OPHN1: variants seen among roughly 807,000 people sequenced by gnomAD.
OPHN1 encodes oligophrenin 1.
A neutral mutation model predicts 60.7 loss-of-function variants in OPHN1; 11 were observed. The ratio of observed to expected loss-of-function variants is 0.18; its 90% CI spans 0.11 to 0.30. The LOEUF is 0.30. OPHN1 is among the 10% of genes least tolerant of loss of function. OPHN1 has a pLI of 1.00. For synonymous variants in OPHN1, 226 were observed against 222.6 expected, an observed-to-expected ratio of 1.02 and a Z score of -0.14; for missense variants, 449 against 611.0, an observed-to-expected ratio of 0.73 and a Z score of 2.80.
At chrX:68,315,293 G>A (rs769716020) in intron 2 of OPHN1, among the ~76,000 whole-genome samples, 1 of 110,255 alleles carries the variant, frequency 9.1e-6, no homozygotes, top group South Asian at 4.0e-4. Context: ...AGGAGGTAGG[G>A]AGGGAGGAAG....
chrX:68,212,556 G>A (rs2077589330), intron 7 of OPHN1, among the ~76,000 whole-genome samples: 1 of 111,592 alleles, frequency 9.0e-6, no homozygotes, highest in Non-Finnish European at 1.9e-5. Flanking sequence ...CTGCACTCTA[G>A]CCTGGGACAG....
At chrX:68,223,361 C>T (rs1161970715) in intron 6 of OPHN1, among the ~76,000 whole-genome samples, 1 of 112,494 alleles carries the variant, frequency 8.9e-6, no homozygotes, top group African/African-American at 3.2e-5. Flanking sequence ...CACTCACACA[C>T]AATGGAATAC....
chrX:68,420,571 G>A (rs980172438), intron 2 of OPHN1, among the ~76,000 whole-genome samples: 5 of 111,153 alleles, frequency 4.5e-5, no homozygotes, highest in Non-Finnish European at 7.5e-5. Flanking sequence ...ATTCATAAAT[G>A]GATTCTCTAG....
At chrX:68,207,179 A>G (rs2077563466) in intron 9 of OPHN1, among the ~76,000 whole-genome samples, 1 of 104,814 alleles carries the variant, frequency 9.5e-6, no homozygotes, top group Non-Finnish European at 1.9e-5. Flanking sequence ...CCCAGGCTGG[A>G]GTGCAGTGGC....
chrX:68,071,652 C>A, intron 20 of OPHN1: 1 of 550,636 alleles, frequency 1.8e-6, no homozygotes, highest in East Asian at 3.3e-5. Context: ...AGCCTTAATC[C>A]TCTGGTTGTT....
chrX:68,329,655 T>C (rs2078285116), intron 2 of OPHN1, among the ~76,000 whole-genome samples: 1 of 111,982 alleles, frequency 8.9e-6, no homozygotes, highest in African/African-American at 3.2e-5. Flanking sequence ...ACCTAATATT[T>C]TTCTTAAGGA....
chrX:68,181,291 A>G (rs1449992651), intron 15 of OPHN1, among the ~76,000 whole-genome samples: 2 of 111,279 alleles, frequency 1.8e-5, no homozygotes, highest in African/African-American at 3.3e-5. Flanking sequence ...TATACATACT[A>G]AGGACTAAAA....
intron 15 of OPHN1, among the ~76,000 whole-genome samples, chrX:68,144,188 T>G (rs1478471042): frequency 9.1e-6 from 1 of 110,396 alleles, no homozygotes; most frequent in Non-Finnish European, 1.9e-5. Flanking sequence ...CTGGTTATTT[T>G]TTTTAATTTT....
chrX:68,113,048 T>A (rs1434425232), intron 17 of OPHN1, 133 bp downstream of exon 17: 1 of 483,128 alleles, frequency 2.1e-6, no homozygotes, highest in African/African-American at 2.4e-5. Flanking sequence ...CATTTGGCAG[T>A]TGTGCATAAT....
chrX:68,061,337 T>C (rs747461103), intron 21 of OPHN1, among the ~76,000 whole-genome samples: 2 of 111,036 alleles, frequency 1.8e-5, no homozygotes, highest in East Asian at 2.9e-4. Flanking sequence ...GCCACTGGGA[T>C]TGAACTTTGC....
chrX:68,390,964 G>A (rs898872839), intron 2 of OPHN1, among the ~76,000 whole-genome samples: 1 of 111,559 alleles, frequency 9.0e-6, no homozygotes, highest in African/African-American at 3.3e-5. Context: ...AAAGCTCTAG[G>A]GGAGAATTCA....
intron 10 of OPHN1, among the ~76,000 whole-genome samples, chrX:68,202,775 G>A (rs886787991): frequency 1.8e-5 from 2 of 110,509 alleles, no homozygotes; most frequent in Non-Finnish European, 3.8e-5. Flanking sequence ...GATTACAGGC[G>A]TGAGCCACTG....
At chrX:68,270,166 T>C (rs1460614151) in intron 5 of OPHN1, among the ~76,000 whole-genome samples, 3 of 111,366 alleles carry the variant, frequency 2.7e-5, no homozygotes, top group Non-Finnish European at 5.6e-5. Flanking sequence ...TCAACCCTTG[T>C]GGAAGTCAGT....
intron 2 of OPHN1, among the ~76,000 whole-genome samples, chrX:68,348,562 G>A (rs745516208): frequency 6.8e-4 from 75 of 110,867 alleles, no homozygotes; most frequent in Non-Finnish European, 9.8e-4. Flanking sequence ...TTGTTACTGC[G>A]GCTGTGCATG....
chrX:68,193,027 G>C (rs368031912), intron 14 of OPHN1, 34 bp from the exon 15 acceptor site: 4 of 1,082,118 alleles, frequency 3.7e-6, no homozygotes, highest in South Asian at 3.7e-5. Context: ...AATTTCACTT[G>C]TATAGCTAGA....
intron 2 of OPHN1, among the ~76,000 whole-genome samples, chrX:68,339,446 G>A (rs1228000953): frequency 9.0e-6 from 1 of 111,058 alleles, no homozygotes; most frequent in African/African-American, 3.3e-5. Context: ...TGAAAAACAT[G>A]CAGATTGGAA....
intron 15 of OPHN1, among the ~76,000 whole-genome samples, chrX:68,190,475 A>G (rs1383059205): frequency 8.9e-6 from 1 of 112,386 alleles, no homozygotes; most frequent in Non-Finnish European, 1.9e-5. Context: ...ATCTATCAAT[A>G]TTTATATCTA....
At chrX:68,267,942 G>C (rs181285119) in intron 5 of OPHN1, among the ~76,000 whole-genome samples, 1 of 111,732 alleles carries the variant, frequency 8.9e-6, no homozygotes, top group South Asian at 3.8e-4. Context: ...AGAAGAAATG[G>C]ATAAATTCCT....
chrX:68,397,543 AACAGAGTCTC>A (rs1359805959), intron 2 of OPHN1, among the ~76,000 whole-genome samples: 184 of 89,489 alleles, frequency 2.1e-3, no homozygotes, highest in Non-Finnish European at 3.1e-3. Context: ...TTTTTTTTGA[AACAGAGTCTC>A]ACTCTGTTGC....
Sources: gnomAD v4.1 joint callset for allele counts (sites outside exome capture counted in the v4.1 genomes callset) on GRCh38, gnomAD v4.1.1 for gene constraint, MANE v1.5 for transcripts, NCBI Gene and HGNC (gene_info 2026-07-23, HGNC 2026-07-21) for gene names.